Variants in PIAS2 observed in about 807,000 individuals in gnomAD.
The protein encoded by PIAS2 is E3 SUMO-protein ligase PIAS2.
In PIAS2, 19 loss-of-function variants were observed where a neutral mutation model predicts 69.7. The observed-to-expected ratio is 0.27, with a 90% CI of 0.19 to 0.40. The LOEUF (loss-of-function observed/expected upper bound fraction) is 0.40, where lower values mean the gene tolerates loss of function less well. PIAS2 is among the 10% of genes least tolerant of loss of function. The pLI, the probability that PIAS2 is intolerant of heterozygous loss-of-function variation, is 1.00. For synonymous variants in PIAS2, 261 were observed against 263.2 expected, an observed-to-expected ratio of 0.99 and a Z score of 0.08; for missense variants, 624 against 757.0, an observed-to-expected ratio of 0.82 and a Z score of 2.06.
rs869149927 is a variant in PIAS2, at chr18:46,807,383, A to ATATATATATATATATTT, written c.*5049_*5050insAAATATATATATATATA. 8.6e-5 allele frequency: 1 copy of ATATATATATATATATTT among 11,600 alleles called. No homozygotes were observed. Among genetic ancestry groups the ATATATATATATATATTT allele is most frequent in the Non-Finnish European group, 1.3e-4 (1 of 7,454 alleles). The allele number at this position is 11,600 out of a possible 1,614,324, so 0.7% of individuals were successfully genotyped here. ...TATATATATATATATATATATATAT[A>ATATATATATATATATTT]TTTTTTTTTTTTTTTTTTTTTTTTT... is the stretch of plus-strand genomic sequence containing the variant. On this transcript the variant is annotated 3_prime_UTR_variant, in exon 14 of 14. Coordinates refer to ENST00000585916, the MANE Select transcript of PIAS2 (RefSeq NM_004671.5).
intron 12 of PIAS2, chr18:46,816,818 G>A: frequency 1.0e-6 from 1 of 984,792 alleles, no homozygotes; most frequent in African/African-American, 1.7e-5. Flanking sequence ...TGACACAGTG[G>A]TTTGAGCCAA....
chr18:46,891,341 G>A (rs955160288), intron 1 of PIAS2: 6 of 444,184 alleles, frequency 1.4e-5, no homozygotes, highest in Non-Finnish European at 2.4e-5. Context: ...ATGCTCTAAT[G>A]CAAACAGTTA....
chr18:46,870,874 C>G (rs1331844848), intron 2 of PIAS2, among the ~76,000 whole-genome samples: 1 of 152,030 alleles, frequency 6.6e-6, no homozygotes, highest in African/African-American at 2.4e-5. Context: ...CCAAGACCCT[C>G]GATGGGTCAA....
intron 12 of PIAS2, chr18:46,818,053 C>T (rs2041753655): frequency 1.0e-6 from 1 of 994,026 alleles, no homozygotes; most frequent in South Asian, 4.7e-5. Flanking sequence ...AACTAAAAAG[C>T]AGGTAGTGTT....
chr18:46,857,906 T>C (rs927908793), intron 3 of PIAS2, among the ~76,000 whole-genome samples: 3 of 151,880 alleles, frequency 2.0e-5, no homozygotes, highest in African/African-American at 7.3e-5. Context: ...TAAAAATGAG[T>C]AGAAGAATGC....
At chr18:46,846,683 C>T (rs2046208852) in intron 6 of PIAS2, 24 bp downstream of exon 6, 1 of 1,596,578 alleles carries the variant, frequency 6.3e-7, no homozygotes, top group South Asian at 1.1e-5. Flanking sequence ...CACTGTCCTG[C>T]TACCCAAAAC....
chr18:46,905,148 A>G (rs1291931425), intron 1 of PIAS2, among the ~76,000 whole-genome samples: 1 of 152,228 alleles, frequency 6.6e-6, no homozygotes, highest in Admixed American at 6.5e-5. Flanking sequence ...CATATTTCAA[A>G]GAGTTGGCAT....
intron 2 of PIAS2, among the ~76,000 whole-genome samples, chr18:46,876,100 G>A (rs2051141485): frequency 6.6e-6 from 1 of 152,222 alleles, no homozygotes; most frequent in South Asian, 2.1e-4. Flanking sequence ...TCCGCAAGTG[G>A]ATGTATGGTG....
chr18:46,818,342 C>A, intron 12 of PIAS2: 1 of 1,496,824 alleles, frequency 6.7e-7, no homozygotes, highest in Non-Finnish European at 8.9e-7. Context: ...CTGTTTTCCA[C>A]TCCATAAATA....
In PIAS2 at chr18:46,906,998, A is replaced by G. The variant is rs374416443; in HGVS notation, c.24+10324T>C. On this transcript the variant is annotated intron_variant, in intron 1 of 13. Transcript: ENST00000585916. ...TCTGTGTGAATGCAGGAGGCACTAC[A>G]AAGGCAGTAAGGACCTGAGACACCA... is the stretch of plus-strand genomic sequence containing the variant. 2.0e-4 allele frequency among the ~76,000 whole-genome samples: 31 copies of G among 152,330 alleles called. No homozygotes were observed. In the East Asian group the frequency reaches 4.6e-3, roughly 23 times the overall value.
At chr18:46,910,298 T>C (rs1194236223) in intron 1 of PIAS2, among the ~76,000 whole-genome samples, 1 of 152,210 alleles carries the variant, frequency 6.6e-6, no homozygotes, top group Non-Finnish European at 1.5e-5. Context: ...GTGGATGTGA[T>C]CAGGAAAGTG....
chr18:46,853,292 TAAAAAA>T (rs35085118), intron 5 of PIAS2: 5 of 110,074 alleles, frequency 4.5e-5, no homozygotes, highest in Non-Finnish European at 2.0e-5. Context: ...TTTTTTTAAA[TAAAAAA>T]AAAAAGGAAA....
chr18:46,917,903 G>T (rs1489689226), upstream of PIAS2: 1 of 152,254 alleles, frequency 6.6e-6, no homozygotes, highest in Admixed American at 6.5e-5. Context: ...AGTTGTGGCG[G>T]AATAATCTAA....
At position 46,836,344 on chromosome 18, in the gene PIAS2, G is replaced by C. The variant is rs776124636; in HGVS notation, c.1202+13C>G. 1 of 1,609,916 alleles carries C rather than the reference G, an allele frequency of 6.2e-7. No individual in the cohort carries two copies. The highest frequency in any genetic ancestry group is 8.5e-7 in the Non-Finnish European group (1 of 1,176,452). On this transcript the variant is annotated intron_variant, in intron 9 of 13. Transcript: ENST00000585916. ...TATTAGTCCATATCAGCTGTTAAAA[G>C]GGATATACTTACCCATCTAATATTA...
rs569165356 is a variant in PIAS2, at chr18:46,879,367, C to A, written c.499+11213G>T. ...ACTATAATGCAATGCCACCTCACAC[C>A]CATCAGGATGGTCACTATAAAAAAA... On this transcript the variant is annotated intron_variant, in intron 2 of 13. Coordinates refer to ENST00000585916, the MANE Select transcript of PIAS2 (RefSeq NM_004671.5). Among the ~76,000 whole-genome samples, 5 of 123,234 alleles carry A rather than the reference C, an allele frequency of 4.1e-5. No homozygotes were observed. The East Asian group carries it at 1.2e-3, about 30-fold the overall frequency. 80.8% of individuals were successfully genotyped at this position (123,234 alleles called of 152,430 possible). A position where few individuals can be genotyped will look rare whatever the true frequency, so the allele number is the denominator to read the frequency against.
In PIAS2 at chr18:46,868,642, T is replaced by C. The variant is rs1391185752; in HGVS notation, c.500-4394A>G. 4.6e-5 allele frequency among the ~76,000 whole-genome samples: 7 copies of C among 152,142 alleles called. No individual in the cohort carries two copies. The East Asian group carries it at 7.7e-4, about 17-fold the overall frequency. On this transcript the variant is annotated intron_variant, in intron 2 of 13. Coordinates refer to ENST00000585916, the MANE Select transcript of PIAS2 (RefSeq NM_004671.5). ...ATAAAAACCCCTTCCCCTCCTTTGT[T>C]TGGTGTGCTCTCGCAGCGGCCAGAA...
In PIAS2 at chr18:46,806,352, A is replaced by ATTTTTTTTT. The variant is rs763051636; in HGVS notation, c.*6080_*6081insAAAAAAAAA. 2.4e-5 allele frequency: 1 copy of ATTTTTTTTT among 42,008 alleles called. No individual in the cohort carries two copies. The highest frequency in any genetic ancestry group is 6.7e-5 in the African/African-American group (1 of 15,034). The allele number at this position is 42,008 out of a possible 1,614,324, so 2.6% of individuals were successfully genotyped here. Reference sequence around the variant, plus strand: ...GAAAATTCTTTGCACAATGCCTGTTACTTTTTTTTTTTTTTTTTTTTTTTT... The same window carrying ATTTTTTTTT: ...GAAAATTCTTTGCACAATGCCTGTTATTTTTTTTTCTTTTTTTTTTTTTTTTTTTTTTTT... On this transcript the variant is annotated 3_prime_UTR_variant, in exon 14 of 14. Coordinates refer to ENST00000585916, the MANE Select transcript of PIAS2 (RefSeq NM_004671.5).
intron 5 of PIAS2, among the ~76,000 whole-genome samples, chr18:46,847,223 G>A (rs983318886): frequency 6.6e-6 from 1 of 152,040 alleles, no homozygotes; most frequent in African/African-American, 2.4e-5. Context: ...ACATATTGGA[G>A]GTGGGAAAGA....
chr18:46,839,100 T>G (rs1344854512), intron 8 of PIAS2, among the ~76,000 whole-genome samples: 2 of 152,206 alleles, frequency 1.3e-5, no homozygotes, highest in Non-Finnish European at 2.9e-5. Flanking sequence ...AACATAAATA[T>G]TGGCTGGTTA....
Sources: gnomAD v4.1 joint callset for allele counts (sites outside exome capture counted in the v4.1 genomes callset) on GRCh38, gnomAD v4.1.1 for gene constraint, MANE v1.5 for transcripts, NCBI Gene and HGNC (gene_info 2026-07-23, HGNC 2026-07-21) for gene names.